SGCZ: variants seen among roughly 807,000 people sequenced by gnomAD.
SGCZ encodes zeta-sarcoglycan.
A neutral mutation model predicts 41.3 loss-of-function variants in SGCZ; 40 were observed. That is an observed-to-expected ratio of 0.97 (90% CI 0.75 to 1.26). SGCZ has a LOEUF of 1.26. Among genes scored for constraint, SGCZ ranks in the 50% most tolerant of loss-of-function variants. The probability of loss-of-function intolerance (pLI) is 0.00; values close to 1 mark genes in which losing one functional copy is unlikely to be tolerated. For synonymous variants in SGCZ, 206 were observed against 137.5 expected, an observed-to-expected ratio of 1.50 and a Z score of -3.49; for missense variants, 552 against 369.8, an observed-to-expected ratio of 1.49 and a Z score of -4.04.
At chr8:14,472,974 T>C (rs978237828) in intron 2 of SGCZ, among the ~76,000 whole-genome samples, 4 of 152,160 alleles carry the variant, frequency 2.6e-5, no homozygotes, top group African/African-American at 9.7e-5. Flanking sequence ...CCGGTTGGTG[T>C]TAACTGATGG....
chr8:14,413,203 A>G (rs188714000), intron 2 of SGCZ, among the ~76,000 whole-genome samples: 1 of 152,146 alleles, frequency 6.6e-6, no homozygotes, highest in East Asian at 1.9e-4. Context: ...AGACAAAAAT[A>G]TACTTTCATG....
intron 1 of SGCZ, among the ~76,000 whole-genome samples, chr8:15,090,655 A>T (rs1806123410): frequency 1.3e-5 from 2 of 152,224 alleles, no homozygotes; most frequent in African/African-American, 2.4e-5. Context: ...TCCATCTGGA[A>T]GGTCTCCAGC....
intron 2 of SGCZ, among the ~76,000 whole-genome samples, chr8:14,342,001 G>A (rs1215960046): frequency 1.3e-5 from 2 of 152,228 alleles, no homozygotes; most frequent in African/African-American, 2.4e-5. Context: ...AAATGAGGAA[G>A]TGACTTTGGA....
intron 1 of SGCZ, among the ~76,000 whole-genome samples, chr8:14,774,949 A>G (rs1344349041): frequency 3.3e-5 from 5 of 152,312 alleles, no homozygotes; most frequent in African/African-American, 1.2e-4. Flanking sequence ...ACAATCTAAG[A>G]AAATTGTCAT....
At chr8:14,643,425 A>G (rs1012221680) in intron 1 of SGCZ, among the ~76,000 whole-genome samples, 1 of 151,690 alleles carries the variant, frequency 6.6e-6, no homozygotes, top group Non-Finnish European at 1.5e-5. Context: ...TTGCTTAATT[A>G]GATTATTTTG....
chr8:15,113,045 C>G (rs1415547536), intron 1 of SGCZ, among the ~76,000 whole-genome samples: 1 of 151,852 alleles, frequency 6.6e-6, no homozygotes, highest in Non-Finnish European at 1.5e-5. Context: ...CCTGTCTCCA[C>G]AAAAAATACA....
intron 2 of SGCZ, among the ~76,000 whole-genome samples, chr8:14,520,612 C>T (rs1320562330): frequency 6.6e-6 from 1 of 151,964 alleles, no homozygotes; most frequent in Non-Finnish European, 1.5e-5. Flanking sequence ...CACTTAACAA[C>T]ATGAATGAAG....
At chr8:14,215,503 A>G (rs1805963581) in intron 4 of SGCZ, among the ~76,000 whole-genome samples, 1 of 151,952 alleles carries the variant, frequency 6.6e-6, no homozygotes, top group Admixed American at 6.6e-5. Flanking sequence ...CAGAAAGAAA[A>G]AAAAAGAAGT....
At chr8:15,213,373 AT>A (rs550863971) in intron 1 of SGCZ, among the ~76,000 whole-genome samples, 62 of 152,038 alleles carry the variant, frequency 4.1e-4, no homozygotes, top group African/African-American at 9.6e-4. Flanking sequence ...ATATAGAAAA[AT>A]ATTACCTAAA....
intron 7 of SGCZ, among the ~76,000 whole-genome samples, chr8:14,097,246 C>T (rs932847601): frequency 6.6e-6 from 1 of 152,088 alleles, no homozygotes; most frequent in African/African-American, 2.4e-5. Flanking sequence ...CTATAAATTT[C>T]CCTCTACACA....
At chr8:14,397,312 A>T (rs1474982441) in intron 2 of SGCZ, among the ~76,000 whole-genome samples, 1 of 152,138 alleles carries the variant, frequency 6.6e-6, no homozygotes, top group Non-Finnish European at 1.5e-5. Context: ...ACAAGCACGA[A>T]AATTAAATTT....
chr8:14,475,951 A>G (rs775357146), intron 2 of SGCZ, among the ~76,000 whole-genome samples: 1 of 150,672 alleles, frequency 6.6e-6, no homozygotes, highest in Non-Finnish European at 1.5e-5. Context: ...TCATCCCACT[A>G]CAGGTTTGCG....
chr8:14,523,420 T>C (rs1297759168), intron 2 of SGCZ, among the ~76,000 whole-genome samples: 1 of 152,044 alleles, frequency 6.6e-6, no homozygotes. Context: ...TTGAGTGATG[T>C]TTTAAGTCAA....
At chr8:15,127,141 T>C (rs1299485864) in intron 1 of SGCZ, among the ~76,000 whole-genome samples, 1 of 152,084 alleles carries the variant, frequency 6.6e-6, no homozygotes, top group African/African-American at 2.4e-5. Context: ...ACACCATTTT[T>C]AAGAACTATA....
intron 1 of SGCZ, among the ~76,000 whole-genome samples, chr8:15,168,861 G>C (rs577276492): frequency 6.6e-6 from 1 of 152,272 alleles, no homozygotes; most frequent in East Asian, 1.9e-4. Context: ...AAACTAGTTG[G>C]TTTAGGATTG....
At chr8:14,195,089 C>A (rs962703901) in intron 4 of SGCZ, among the ~76,000 whole-genome samples, 1 of 152,036 alleles carries the variant, frequency 6.6e-6, no homozygotes, top group Non-Finnish European at 1.5e-5. Context: ...TTAACAGGAG[C>A]AGAAAAACAT....
chr8:14,658,926 C>A (rs886397848), intron 1 of SGCZ, among the ~76,000 whole-genome samples: 1 of 151,320 alleles, frequency 6.6e-6, no homozygotes, highest in Non-Finnish European at 1.5e-5. Context: ...GGAAGGGAGA[C>A]AGGAAGGAAA....
chr8:14,179,408 T>C (rs955726197), intron 4 of SGCZ, among the ~76,000 whole-genome samples: 8 of 152,176 alleles, frequency 5.3e-5, no homozygotes, highest in African/African-American at 1.9e-4. Flanking sequence ...ACAAGACCAG[T>C]TCGCCTTTGC....
At chr8:15,071,764 G>A (rs536046756) in intron 1 of SGCZ, among the ~76,000 whole-genome samples, 3 of 152,046 alleles carry the variant, frequency 2.0e-5, no homozygotes, top group African/African-American at 7.2e-5. Context: ...ATGGGTAGTC[G>A]GGTATGACCT....
Sources: gnomAD v4.1 joint callset for allele counts (sites outside exome capture counted in the v4.1 genomes callset) on GRCh38, gnomAD v4.1.1 for gene constraint, MANE v1.5 for transcripts, NCBI Gene and HGNC (gene_info 2026-07-23, HGNC 2026-07-21) for gene names.